IRF1: variants seen among roughly 807,000 people sequenced by gnomAD.
IRF1 encodes interferon regulatory factor-1.
IRF1 carries 13 observed loss-of-function variants against 43.7 expected under a neutral mutation model. The ratio of observed to expected loss-of-function variants is 0.30; its 90% CI spans 0.19 to 0.47. IRF1 has a LOEUF of 0.47. Among genes scored for constraint, IRF1 ranks in the 20% least tolerant of loss-of-function variants. The probability of loss-of-function intolerance (pLI) is 0.99; values close to 1 mark genes in which losing one functional copy is unlikely to be tolerated. For synonymous variants in IRF1, 138 were observed against 146.8 expected (o/e 0.94, Z 0.43); for missense variants, 236 against 408.9 (o/e 0.58, Z 3.65).
In IRF1 at chr5:132,489,468, G is replaced by A. The variant is rs1348849644; in HGVS notation, c.11C>T (p.Thr4Ile). MPI[T>I]RMRMRPWLEM... The stretch of plus-strand genomic sequence containing the variant: ...TAGCCAGGGTCTCATGCGCATCCGA[G>A]TGATGGGCATGTTGGCTGTAAAGAG... Residue 4 changes from threonine (T) to isoleucine (I), a missense_variant, in exon 2 of 10, where the codon ACT (threonine) becomes ATT (isoleucine). Transcript: ENST00000245414. 6.2e-7 allele frequency: 1 copy of A among 1,613,340 alleles called. No individual in the cohort carries two copies. The highest frequency in any genetic ancestry group is 1.1e-5 in the South Asian group (1 of 91,066).
At chr5:132,486,734 T>C (rs751287060) in intron 5 of IRF1, 48 bp from the exon 6 acceptor site, 7 of 1,614,174 alleles carry the variant, frequency 4.3e-6, no homozygotes, top group Non-Finnish European at 5.1e-6. Flanking sequence ...TTAGCATTTC[T>C]TCCACTGCTC....
rs1754602503 is a variant in IRF1 at position 132,488,395 on chromosome 5, A to T, written c.88-370T>A. On this transcript the variant is annotated intron_variant, in intron 2 of 9. Coordinates refer to ENST00000245414, the MANE Select transcript of IRF1 (RefSeq NM_002198.3). ...CATGGAAGTAAGAACTTCTTCCATT[A>T]GAAAGGACTCCTCAGGACACCTGGG... is the stretch of plus-strand genomic sequence containing the variant. 1.8e-5 allele frequency: 4 copies of T among 223,924 alleles called. No individual in the cohort carries two copies. In the Admixed American group the frequency reaches 2.1e-4, roughly 12 times the overall value. 13.9% of individuals were successfully genotyped at this position (223,924 alleles called of 1,614,324 possible).
At chr5:132,484,584 A>T in intron 8 of IRF1, 87 bp from the exon 9 acceptor site, 1 of 1,535,110 alleles carries the variant, frequency 6.5e-7, no homozygotes, top group Non-Finnish European at 8.9e-7. Context: ...AGCTCCTCTC[A>T]GCCAGTATCA....
At position 132,484,394 on chromosome 5, in the gene IRF1, C is replaced by T; in HGVS notation, c.821G>A (p.Cys274Tyr). 1.9e-6 allele frequency: 3 copies of T among 1,614,196 alleles called. No homozygotes were observed. Among genetic ancestry groups the T allele is most frequent in the South Asian group, 1.1e-5 (1 of 91,086 alleles). Residue 274 changes from cysteine to tyrosine, a missense_variant, in exon 9 of 10, where the codon TGT (cysteine) becomes TAT (tyrosine). By Grantham distance (194) the Cys-to-Tyr change is radical. Transcript: ENST00000245414. ...GCTGTCAATTTCTGGCTCCTCCTTA[C>T]AGCTAAAGTCTCCATAGACAGAGGT... is the stretch of plus-strand genomic sequence containing the variant. ...QPTSVYGDFSCKEEPEIDSPG... is the reference protein window; with the variant it reads ...QPTSVYGDFSYKEEPEIDSPG...
At chr5:132,486,765 A>G (rs1449307721) in intron 5 of IRF1, 30 bp downstream of exon 5, 1 of 1,614,078 alleles carries the variant, frequency 6.2e-7, no homozygotes, top group African/African-American at 1.3e-5. Flanking sequence ...ACAGGTGACC[A>G]AAGGCCTGGC....
At position 132,486,990 on chromosome 5, in the gene IRF1, G is replaced by T. The variant is rs1212632169; in HGVS notation, c.328C>A (p.Arg110=). 3.1e-6 allele frequency: 5 copies of T among 1,614,104 alleles called. No individual in the cohort carries two copies. The highest frequency in any genetic ancestry group is 2.2e-5 in the East Asian group (1 of 44,864). ...TTCTTGGTGAGAGGTGGAAGCATCC[G>T]GTACACTCGCACAGCTGAGCTGCCC... The part of the protein sequence containing the change: ...NKGSSAVRVY[R]MLPPLTKNQR... The change falls in exon 4 of 10, where the codon CGG becomes AGG. Residue 110 remains arginine (R), a synonymous_variant. Coordinates refer to ENST00000245414, the MANE Select transcript of IRF1 (RefSeq NM_002198.3).
At chr5:132,485,501 T>G in intron 8 of IRF1, 166 bp downstream of exon 8, 1 of 703,410 alleles carries the variant, frequency 1.4e-6, no homozygotes, top group Non-Finnish European at 2.7e-6. Context: ...CTTCCCATGG[T>G]GGCTTTCCCA....
chr5:132,487,881 T>C (rs1194568845), intron 3 of IRF1, 45 bp downstream of exon 3: 1 of 1,401,908 alleles, frequency 7.1e-7, no homozygotes. Flanking sequence ...GTGCCTCCTC[T>C]TGTCTCTACC....
chr5:132,488,155 G>A, intron 2 of IRF1, 130 bp from the exon 3 acceptor site: 2 of 678,266 alleles, frequency 2.9e-6, no homozygotes, highest in Non-Finnish European at 5.1e-6. Flanking sequence ...TTTTTCCCCT[G>A]ACATCTGGCT....
chr5:132,484,530 C>G, intron 8 of IRF1, 33 bp from the exon 9 acceptor site: 1 of 1,613,136 alleles, frequency 6.2e-7, no homozygotes, highest in Admixed American at 1.7e-5. Flanking sequence ...CTATCAACTC[C>G]CTTCCAGTGC....
At chr5:132,486,099 C>A in intron 7 of IRF1, 152 bp downstream of exon 7, 1 of 1,036,674 alleles carries the variant, frequency 9.6e-7, no homozygotes, top group Non-Finnish European at 1.4e-6. Flanking sequence ...GTGTCCCCGT[C>A]GCTTGCCTCC....
rs552265908 is a variant in IRF1 at position 132,487,670 on chromosome 5, A to G, written c.187+256T>C. 18 of 519,656 alleles carry G rather than the reference A, an allele frequency of 3.5e-5. No homozygotes were observed. In the South Asian group the frequency reaches 4.0e-4, roughly 12 times the overall value. 32.2% of individuals were successfully genotyped at this position (519,656 alleles called of 1,614,324 possible). ...GCTGCTTTTCACAGATGCTTTTGCC[A>G]GGGAGAACTTTCATCTAGCCACAAA... On this transcript the variant is annotated intron_variant, in intron 3 of 9. Coordinates refer to ENST00000245414, the MANE Select transcript of IRF1 (RefSeq NM_002198.3).
intron 7 of IRF1, 57 bp from the exon 8 acceptor site, chr5:132,485,773 T>C: frequency 7.4e-7 from 1 of 1,359,828 alleles, no homozygotes; most frequent in Non-Finnish European, 1.1e-6. Flanking sequence ...CACCCTGCAG[T>C]TCCAGTTCCA....
chr5:132,486,177 T>C (rs1344145948), intron 7 of IRF1, 74 bp downstream of exon 7: 1 of 1,580,772 alleles, frequency 6.3e-7, no homozygotes, highest in Non-Finnish European at 8.6e-7. Context: ...GTTCTGATCA[T>C]CTTTTCTCTC....
intron 3 of IRF1, chr5:132,487,412 A>G: frequency 2.2e-6 from 1 of 459,448 alleles, no homozygotes; most frequent in Non-Finnish European, 4.0e-6. Context: ...TCTGTGTCTC[A>G]GACTATGCCC....
In IRF1 at chr5:132,486,375, TG is replaced by T. The variant is rs766793021; in HGVS notation, c.545-3del. ...TGCTGACAGCACATGGCGACAGTGC[TG>T]GGGAACAGCAGAAGCCACAGGTCAA... On this transcript the variant is annotated splice_polypyrimidine_tract_variant and splice_region_variant and intron_variant, in intron 6 of 9. Transcript: ENST00000245414. 4.2e-5 allele frequency: 68 copies of T among 1,611,502 alleles called. No homozygotes were observed. Among genetic ancestry groups the T allele is most frequent in the Admixed American group, 1.3e-4 (8 of 60,002 alleles).
rs752046531 is a variant in IRF1, at chr5:132,489,458, G to A, written c.21C>T (p.Arg7=). ...TCTGCATCTCTAGCCAGGGTCTCATGCGCATCCGAGTGATGGGCATGTTGG... is the reference window on the plus strand; with the variant it reads ...TCTGCATCTCTAGCCAGGGTCTCATACGCATCCGAGTGATGGGCATGTTGG... The part of the protein sequence containing the change: MPITRM[R]MRPWLEMQIN... The change falls in exon 2 of 10, where the codon CGC becomes CGT. Residue 7 remains arginine, a synonymous_variant. Transcript: ENST00000245414. The A allele has an allele frequency of 5.0e-6, 8 of 1,613,974 alleles. No individual in the cohort carries two copies. The highest frequency in any genetic ancestry group is 5.9e-6 in the Non-Finnish European group (7 of 1,179,880).
intron 8 of IRF1, 161 bp from the exon 9 acceptor site, chr5:132,484,658 C>T (rs1747164137): frequency 2.4e-6 from 2 of 834,350 alleles, no homozygotes; most frequent in Non-Finnish European, 3.7e-6. Flanking sequence ...AGGACAAGGG[C>T]CCGGGAGGGA....
chr5:132,489,985 A>C (rs1333546588), intron 1 of IRF1: 1 of 165,844 alleles, frequency 6.0e-6, no homozygotes, highest in African/African-American at 2.4e-5. Context: ...CCACAACGCT[A>C]AGACCAGGAC....
Sources: allele counts gnomAD v4.1 joint callset, GRCh38; gene constraint gnomAD v4.1.1; transcripts MANE v1.5; gene names NCBI Gene and HGNC (gene_info 2026-07-23, HGNC 2026-07-21).